FGF12: variants seen among roughly 807,000 people sequenced by gnomAD.
The protein encoded by FGF12 is fibroblast growth factor 12B.
Under a neutral mutation model 23.6 loss-of-function variants are expected in FGF12, and 14 were observed. The observed-to-expected ratio is 0.59, with a 90% CI of 0.39 to 0.93. The LOEUF (loss-of-function observed/expected upper bound fraction) is 0.93. FGF12 is among the 40% of genes least tolerant of loss of function. FGF12 has a pLI of 0.00. For synonymous variants in FGF12, 62 were observed against 77.3 expected (o/e 0.80, Z 1.04); for missense variants, 175 against 217.8 (o/e 0.80, Z 1.24).
intron 4 of FGF12, among the ~76,000 whole-genome samples, chr3:192,313,802 C>CTAAA (rs1342074760): frequency 6.6e-6 from 1 of 152,150 alleles, no homozygotes; most frequent in Admixed American, 6.5e-5. Flanking sequence ...CTTTCTTGCC[C>CTAAA]TAAAGTCTTA....
intron 5 of FGF12, among the ~76,000 whole-genome samples, chr3:192,144,454 G>A (rs913089045): frequency 2.6e-5 from 4 of 152,068 alleles, no homozygotes; most frequent in African/African-American, 9.7e-5. Flanking sequence ...GAAATATTTC[G>A]CTTTTTGGTC....
chr3:192,385,728 C>G (rs1445907546), intron 2 of FGF12, among the ~76,000 whole-genome samples: 2 of 152,194 alleles, frequency 1.3e-5, no homozygotes, highest in Non-Finnish European at 2.9e-5. Context: ...GGCGAATACT[C>G]TCTGCCATGC....
chr3:192,340,702 T>C (rs1406736307), intron 3 of FGF12, among the ~76,000 whole-genome samples: 1 of 152,130 alleles, frequency 6.6e-6, no homozygotes, highest in Non-Finnish European at 1.5e-5. Context: ...GAAAAGGTAA[T>C]GAAGAGAAAG....
chr3:192,280,971 A>G (rs1023661947), intron 4 of FGF12, among the ~76,000 whole-genome samples: 5 of 152,102 alleles, frequency 3.3e-5, no homozygotes, highest in Non-Finnish European at 4.4e-5. Flanking sequence ...TGACAAGAGA[A>G]ATGCTGTTCT....
At chr3:192,366,128 G>A (rs1169605973) in intron 2 of FGF12, among the ~76,000 whole-genome samples, 1 of 151,894 alleles carries the variant, frequency 6.6e-6, no homozygotes, top group East Asian at 1.9e-4. Flanking sequence ...CCTTTCCAAA[G>A]AGCAAAATCC....
chr3:192,660,201 T>A (rs997862657), intron 2 of FGF12, among the ~76,000 whole-genome samples: 1 of 150,344 alleles, frequency 6.7e-6, no homozygotes, highest in Non-Finnish European at 1.5e-5. Flanking sequence ...TGAGTTCATG[T>A]CCTTTGTAGG....
At chr3:192,722,528 C>T (rs1032598595) in intron 2 of FGF12, among the ~76,000 whole-genome samples, 1 of 152,132 alleles carries the variant, frequency 6.6e-6, no homozygotes, top group African/African-American at 2.4e-5. Flanking sequence ...CTTGGAAATA[C>T]ATGTGCAGGT....
intron 2 of FGF12, among the ~76,000 whole-genome samples, chr3:192,684,444 A>C (rs2108711545): frequency 6.6e-6 from 1 of 152,280 alleles, no homozygotes; most frequent in African/African-American, 2.4e-5. Context: ...CATTTGGAAA[A>C]AGGTCAAGCA....
intron 2 of FGF12, among the ~76,000 whole-genome samples, chr3:192,466,221 T>C (rs969329674): frequency 1.3e-5 from 2 of 152,052 alleles, no homozygotes; most frequent in Admixed American, 1.3e-4. Context: ...ACGGTAAAAA[T>C]AAGGTATTAT....
intron 2 of FGF12, among the ~76,000 whole-genome samples, chr3:192,470,080 T>C (rs1222967791): frequency 2.0e-5 from 3 of 152,174 alleles, no homozygotes; most frequent in Non-Finnish European, 4.4e-5. Context: ...GTGTAACTAA[T>C]TCCAATGTCC....
At chr3:192,383,690 G>A (rs943275706) in intron 2 of FGF12, among the ~76,000 whole-genome samples, 1 of 152,066 alleles carries the variant, frequency 6.6e-6, no homozygotes, top group Non-Finnish European at 1.5e-5. Flanking sequence ...TATATTTGAG[G>A]TTCTACACCA....
chr3:192,265,524 T>A (rs1713025963), intron 4 of FGF12: 1 of 152,232 alleles, frequency 6.6e-6, no homozygotes, highest in East Asian at 1.9e-4. Context: ...CTCCTGATTC[T>A]GTAGAGCCAT....
At chr3:192,706,949 T>G (rs535627074) in intron 2 of FGF12, among the ~76,000 whole-genome samples, 9 of 152,252 alleles carry the variant, frequency 5.9e-5, no homozygotes, top group Non-Finnish European at 8.8e-5. Flanking sequence ...ACTAACCAGA[T>G]GAATAACCCA....
intron 2 of FGF12, among the ~76,000 whole-genome samples, chr3:192,382,242 C>A (rs1354591021): frequency 6.6e-6 from 1 of 152,138 alleles, no homozygotes; most frequent in Non-Finnish European, 1.5e-5. Flanking sequence ...GATCCACTCA[C>A]CTCAGACTCT....
chr3:192,411,448 G>GGATA (rs1320091333), intron 2 of FGF12, among the ~76,000 whole-genome samples: 1 of 152,144 alleles, frequency 6.6e-6, no homozygotes, highest in Non-Finnish European at 1.5e-5. Context: ...TGAAGACAGT[G>GGATA]GATATATCCT....
At chr3:192,361,402 G>T (rs1039026866) in intron 2 of FGF12, among the ~76,000 whole-genome samples, 1 of 152,062 alleles carries the variant, frequency 6.6e-6, no homozygotes, top group East Asian at 1.9e-4. Flanking sequence ...TGTCTCTATT[G>T]TTGAGCAAAA....
chr3:192,378,395 G>C (rs1009937663), intron 2 of FGF12, among the ~76,000 whole-genome samples: 2 of 151,060 alleles, frequency 1.3e-5, no homozygotes, highest in Non-Finnish European at 2.9e-5. Flanking sequence ...ACAGGTGTGA[G>C]CCACTGTGCC....
At chr3:192,396,530 T>C (rs1240413185) in intron 2 of FGF12, among the ~76,000 whole-genome samples, 1 of 152,234 alleles carries the variant, frequency 6.6e-6, no homozygotes, top group Non-Finnish European at 1.5e-5. Flanking sequence ...CCTTTCATAG[T>C]TGTATGACCT....
intron 4 of FGF12, among the ~76,000 whole-genome samples, chr3:192,297,900 C>T (rs1344324787): frequency 1.3e-5 from 2 of 152,144 alleles, no homozygotes; most frequent in Non-Finnish European, 2.9e-5. Flanking sequence ...TTCTGTACTC[C>T]AACGTGTGTG....
Sources: gnomAD v4.1 joint callset for allele counts (sites outside exome capture counted in the v4.1 genomes callset) on GRCh38, gnomAD v4.1.1 for gene constraint, MANE v1.5 for transcripts, NCBI Gene and HGNC (gene_info 2026-07-23, HGNC 2026-07-21) for gene names.